The following JAK1 variants were observed in gnomAD, a reference collection of about 807,000 sequenced individuals.
The protein encoded by JAK1 is tyrosine-protein kinase JAK1.
In JAK1, 16 loss-of-function variants were observed where a neutral mutation model predicts 136.6. That is an observed-to-expected ratio of 0.12 (90% confidence interval 0.08 to 0.18). The LOEUF is 0.18. JAK1 is among the 10% of genes least tolerant of loss of function. The probability of loss-of-function intolerance (pLI) is 1.00; values close to 1 mark genes in which losing one functional copy is unlikely to be tolerated. For missense variants in JAK1, 859 were observed against 1,450.1 expected, an observed-to-expected ratio of 0.59 and a Z score of 6.62; for synonymous variants, 492 against 519.5, an observed-to-expected ratio of 0.95 and a Z score of 0.72.
At chr1:64,845,077 T>A (rs1655142908) in intron 15 of JAK1, among the ~76,000 whole-genome samples, 188 bp from the exon 16 acceptor site, 1 of 152,170 alleles carries the variant, frequency 6.6e-6, no homozygotes, top group African/African-American at 2.4e-5. Context: ...CCCTCATCAC[T>A]GAATGTGGCT....
intron 1 of JAK1, among the ~76,000 whole-genome samples, chr1:65,052,966 G>A (rs1348418492): frequency 1.3e-5 from 2 of 149,060 alleles, no homozygotes; most frequent in Non-Finnish European, 3.0e-5. Context: ...GGGAGGCACA[G>A]GTTGCAGTGA....
At chr1:64,841,133 G>T in intron 19 of JAK1, 112 bp downstream of exon 19, 2 of 791,762 alleles carry the variant, frequency 2.5e-6, no homozygotes, top group South Asian at 1.6e-5. Flanking sequence ...TTTCGCTCAT[G>T]GACCTGGCCC....
chr1:65,054,283 A>G (rs1647424779), intron 1 of JAK1, among the ~76,000 whole-genome samples: 1 of 152,164 alleles, frequency 6.6e-6, no homozygotes, highest in South Asian at 2.1e-4. Flanking sequence ...AGCTGCTAAT[A>G]CTTGACTTGT....
At chr1:64,902,549 T>A (rs1461845139) in intron 1 of JAK1, among the ~76,000 whole-genome samples, 1 of 40,746 alleles carries the variant, frequency 2.5e-5, no homozygotes, top group East Asian at 1.0e-3. Context: ...CTCATGAATT[T>A]GTGAGAGAGA....
chr1:65,006,641 C>T (rs570388207), intron 2 of JAK1, among the ~76,000 whole-genome samples: 122 of 152,312 alleles, frequency 8.0e-4, no homozygotes, highest in Admixed American at 1.4e-3. Context: ...CCACACCCAA[C>T]CCAGTTTCCA....
chr1:65,015,677 G>T (rs2100780301), intron 2 of JAK1, among the ~76,000 whole-genome samples: 1 of 152,212 alleles, frequency 6.6e-6, no homozygotes, highest in South Asian at 2.1e-4. Context: ...ATTCAAACAG[G>T]TTGAAATTTT....
intron 1 of JAK1, among the ~76,000 whole-genome samples, chr1:64,908,132 T>C (rs1645222549): frequency 6.6e-6 from 1 of 152,198 alleles, no homozygotes; most frequent in African/African-American, 2.4e-5. Flanking sequence ...TATCTCTAAA[T>C]AGTATTGGTA....
chr1:64,926,659 CAT>C (rs1645589170), intron 1 of JAK1, among the ~76,000 whole-genome samples: 1 of 152,120 alleles, frequency 6.6e-6, no homozygotes, highest in Non-Finnish European at 1.5e-5. Flanking sequence ...GTTTAATCCA[CAT>C]ATTAGTTCCA....
intron 1 of JAK1, among the ~76,000 whole-genome samples, chr1:64,929,824 C>T (rs977315565): frequency 2.0e-5 from 3 of 152,076 alleles, no homozygotes; most frequent in African/African-American, 7.2e-5. Context: ...GTACTATTAC[C>T]AAAACAGACA....
chr1:64,992,961 T>A (rs897738640), intron 2 of JAK1: 13 of 151,760 alleles, frequency 8.6e-5, no homozygotes, highest in African/African-American at 2.4e-4. Context: ...ATGTCCCCTG[T>A]ACTTATATTC....
chr1:64,851,245 A>T (rs976641757), intron 11 of JAK1, among the ~76,000 whole-genome samples: 3 of 152,204 alleles, frequency 2.0e-5, no homozygotes, highest in African/African-American at 7.2e-5. Flanking sequence ...TTAAAATTTA[A>T]AATGTAAGAC....
intron 1 of JAK1, among the ~76,000 whole-genome samples, chr1:64,965,828 C>A (rs1439914373): frequency 6.6e-6 from 1 of 152,086 alleles, no homozygotes; most frequent in Admixed American, 6.5e-5. Flanking sequence ...GAAACTTTCC[C>A]TCGCTGAGAC....
In JAK1 at chr1:64,864,680, T is replaced by C; in HGVS notation, c.1176+107A>G. ...TTGGCTTCAATAAGAAAATCCTGTT[T>C]TCTCTTTAGGACAGGAACTCTGAAA... On this transcript the variant is annotated intron_variant, in intron 8 of 24. Coordinates refer to ENST00000342505, the MANE Select transcript of JAK1 (RefSeq NM_002227.4). The C allele has an allele frequency of 4.3e-6, 4 of 931,516 alleles. No individual in the cohort carries two copies. In the South Asian group the frequency reaches 7.3e-5, roughly 17 times the overall value. 57.7% of individuals were successfully genotyped at this position (931,516 alleles called of 1,614,324 possible).
chr1:64,920,303 G>A (rs1645472327), intron 1 of JAK1, among the ~76,000 whole-genome samples: 1 of 152,070 alleles, frequency 6.6e-6, no homozygotes, highest in Admixed American at 6.6e-5. Context: ...ACTTTGGGAG[G>A]CCAAGGCAGG....
At chr1:64,880,042 T>C (rs1229908890) in intron 3 of JAK1, among the ~76,000 whole-genome samples, 1 of 152,142 alleles carries the variant, frequency 6.6e-6, no homozygotes, top group Non-Finnish European at 1.5e-5. Context: ...ACAAAAAACC[T>C]GGGAGAATAT....
At chr1:65,062,456 T>A (rs963144178) in intron 1 of JAK1, among the ~76,000 whole-genome samples, 2 of 152,108 alleles carry the variant, frequency 1.3e-5, no homozygotes, top group Non-Finnish European at 2.9e-5. Flanking sequence ...AAATGCTGGG[T>A]CTCAGATTTT....
At chr1:64,847,388 A>T in intron 13 of JAK1, 144 bp downstream of exon 13, 1 of 892,668 alleles carries the variant, frequency 1.1e-6, no homozygotes, top group South Asian at 1.6e-5. Flanking sequence ...CTAAGATCAT[A>T]TGTGGAGAAA....
chr1:65,044,675 G>A (rs1408058654), intron 1 of JAK1, among the ~76,000 whole-genome samples: 1 of 152,302 alleles, frequency 6.6e-6, no homozygotes, highest in East Asian at 1.9e-4. Context: ...TGCTGAGCTG[G>A]TGGCTGTTTG....
rs2101002394 is a variant in JAK1 at position 64,845,645 on chromosome 1, A to G, written c.1988-5T>C. 1 of 1,614,184 alleles carries G rather than the reference A, an allele frequency of 6.2e-7. No homozygotes were observed. The highest frequency in any genetic ancestry group is 8.5e-7 in the Non-Finnish European group (1 of 1,180,020). On this transcript the variant is annotated splice_polypyrimidine_tract_variant and splice_region_variant and intron_variant, in intron 14 of 24. Transcript: ENST00000342505. Reference sequence around the variant, plus strand: ...CAAACTCTTCCACCATGATATCTGTAGGCATAAAAATAGCCATGTCTGGAA... The same window carrying G: ...CAAACTCTTCCACCATGATATCTGTGGGCATAAAAATAGCCATGTCTGGAA...
Sources: gnomAD v4.1 joint callset for allele counts (sites outside exome capture counted in the v4.1 genomes callset) on GRCh38, gnomAD v4.1.1 for gene constraint, MANE v1.5 for transcripts, NCBI Gene and HGNC (gene_info 2026-07-23, HGNC 2026-07-21) for gene names.